Variants in PKIB observed in about 807,000 individuals in gnomAD.
PKIB encodes PKI-beta.
In PKIB, 2 loss-of-function variants were observed where a neutral mutation model predicts 4.5. The ratio of observed to expected loss-of-function variants is 0.44; its 90% CI spans 0.18 to 1.39. The LOEUF is 1.39. Ranked by LOEUF, PKIB falls within the 40% of genes most tolerant of loss-of-function variation. The pLI, the probability that PKIB is intolerant of heterozygous loss-of-function variation, is 0.27. For missense variants in PKIB, 94 were observed against 92.6 expected (o/e 1.02, Z -0.06); for synonymous variants, 38 against 36.0 (o/e 1.06, Z -0.20).
intron 1 of PKIB, among the ~76,000 whole-genome samples, chr6:122,613,873 G>A (rs1436352559): frequency 6.8e-6 from 1 of 146,296 alleles, no homozygotes; most frequent in East Asian, 2.0e-4. Context: ...CGAGGTAGGA[G>A]TATCGCTTGA....
At chr6:122,496,712 A>C (rs769241032) in intron 2 of PKIB, among the ~76,000 whole-genome samples, 101 of 152,178 alleles carry the variant, frequency 6.6e-4, no homozygotes, top group Non-Finnish European at 1.2e-3. Context: ...AAAGTCTCCA[A>C]GAAATATGAG....
At chr6:122,503,210 A>G (rs1776296332) in intron 2 of PKIB, among the ~76,000 whole-genome samples, 1 of 152,232 alleles carries the variant, frequency 6.6e-6, no homozygotes, top group Admixed American at 6.5e-5. Context: ...GGATTTCAGT[A>G]TATAAATTTG....
chr6:122,628,326 C>T (rs543956794), intron 1 of PKIB, among the ~76,000 whole-genome samples: 4 of 152,188 alleles, frequency 2.6e-5, no homozygotes, highest in Admixed American at 6.5e-5. Flanking sequence ...CGTGAGCCAC[C>T]GCGCCCGGCC....
intron 2 of PKIB, among the ~76,000 whole-genome samples, chr6:122,660,550 A>G (rs1776945621): frequency 6.6e-6 from 1 of 152,190 alleles, no homozygotes; most frequent in Non-Finnish European, 1.5e-5. Flanking sequence ...TATGTTTACA[A>G]TTGTAATCAC....
At chr6:122,686,907 T>C (rs4499960) in intron 3 of PKIB, among the ~76,000 whole-genome samples, 37,587 of 152,102 alleles carry the variant, frequency 0.25, 5,124 homozygotes, top group East Asian at 0.43. Context: ...TTTATCCCTT[T>C]CCATGAGTTC....
chr6:122,660,499 C>T (rs913471214), intron 2 of PKIB, among the ~76,000 whole-genome samples: 1 of 152,106 alleles, frequency 6.6e-6, no homozygotes, highest in Non-Finnish European at 1.5e-5. Context: ...GATACGGTCA[C>T]GTTCTCCATG....
intron 2 of PKIB, among the ~76,000 whole-genome samples, chr6:122,580,079 C>T (rs550971181): frequency 3.4e-4 from 51 of 152,114 alleles, no homozygotes; most frequent in South Asian, 2.7e-3. Flanking sequence ...ATTATTTCAT[C>T]ACTATTTTTA....
chr6:122,579,042 A>G, intron 2 of PKIB, among the ~76,000 whole-genome samples: 1 of 152,150 alleles, frequency 6.6e-6, no homozygotes, highest in African/African-American at 2.4e-5. Flanking sequence ...TCTTTCCTTT[A>G]TAAATTACCC....
intron 2 of PKIB, among the ~76,000 whole-genome samples, chr6:122,499,179 A>G (rs1776154757): frequency 6.6e-6 from 1 of 152,202 alleles, no homozygotes; most frequent in African/African-American, 2.4e-5. Context: ...ATTCCAAAAA[A>G]CTGAGGAACA....
At position 122,515,841 on chromosome 6, in the gene PKIB, G is replaced by A. The variant is rs544630596; in HGVS notation, c.-248+37902G>A. Among the ~76,000 whole-genome samples, 9 of 152,004 alleles carry A rather than the reference G, an allele frequency of 5.9e-5. No homozygotes were observed. The East Asian group carries it at 1.4e-3, about 23-fold the overall frequency. On this transcript the variant is annotated intron_variant, in intron 2 of 6. Transcript: ENST00000392491. ...AGCTATTCTCCTGCCTTAGCCTCCC[G>A]GGTAGCTGGGACTACAGGCTCGCAC...
intron 3 of PKIB, among the ~76,000 whole-genome samples, chr6:122,595,484 G>A (rs1198155868): frequency 6.6e-6 from 1 of 152,180 alleles, no homozygotes; most frequent in Non-Finnish European, 1.5e-5. Context: ...GGCATTCTAG[G>A]AGTCCACAGA....
chr6:122,481,998 G>A (rs905230577), intron 2 of PKIB: 2 of 144,672 alleles, frequency 1.4e-5, no homozygotes, highest in African/African-American at 5.1e-5. Context: ...TCTCGCGGTA[G>A]CCCAGGCTGG....
chr6:122,714,770 C>T (rs1779411777), intron 3 of PKIB, among the ~76,000 whole-genome samples: 1 of 152,032 alleles, frequency 6.6e-6, no homozygotes, highest in Admixed American at 6.6e-5. Context: ...TACAACAAAT[C>T]CCCATGACAC....
At chr6:122,586,153 T>A (rs1773840114) in intron 3 of PKIB, 1 of 152,120 alleles carries the variant, frequency 6.6e-6, no homozygotes, top group Admixed American at 6.6e-5. Flanking sequence ...GCTTTAAAAA[T>A]CATCTACTCA....
chr6:122,718,964 TC>T (rs1333736332), intron 4 of PKIB, among the ~76,000 whole-genome samples: 3 of 151,832 alleles, frequency 2.0e-5, no homozygotes, highest in Non-Finnish European at 2.9e-5. Context: ...AGCATACACA[TC>T]AACGTAAAAT....
chr6:122,578,847 T>TAAG (rs1773625565), intron 2 of PKIB, among the ~76,000 whole-genome samples: 2 of 152,206 alleles, frequency 1.3e-5, no homozygotes, highest in South Asian at 4.1e-4. Flanking sequence ...CCTCATGCTG[T>TAAG]TGTTCTCATG....
intron 2 of PKIB, among the ~76,000 whole-genome samples, chr6:122,567,214 C>CT (rs1329145064): frequency 6.6e-6 from 1 of 152,172 alleles, no homozygotes; most frequent in African/African-American, 2.4e-5. Flanking sequence ...GAAGGCATTT[C>CT]TCTCCGAGTG....
At chr6:122,628,833 A>G (rs192121425) in intron 1 of PKIB, among the ~76,000 whole-genome samples, 2 of 152,184 alleles carry the variant, frequency 1.3e-5, no homozygotes, top group Admixed American at 6.5e-5. Context: ...ATTTCTTTCC[A>G]GTTGCATGTG....
chr6:122,550,223 C>G (rs146515083), intron 2 of PKIB, among the ~76,000 whole-genome samples: 26 of 152,230 alleles, frequency 1.7e-4, no homozygotes, highest in African/African-American at 6.3e-4. Context: ...ACTCTATTGA[C>G]TTTCTAATAA....
Sources: gnomAD v4.1 joint callset for allele counts (sites outside exome capture counted in the v4.1 genomes callset) on GRCh38, gnomAD v4.1.1 for gene constraint, MANE v1.5 for transcripts, NCBI Gene and HGNC (gene_info 2026-07-23, HGNC 2026-07-21) for gene names.